TET1: variants seen among roughly 807,000 people sequenced by gnomAD.
TET1 encodes the protein methylcytosine dioxygenase TET1.
A neutral mutation model predicts 148.7 loss-of-function variants in TET1; 13 were observed. The ratio of observed to expected loss-of-function variants is 0.09; its 90% CI spans 0.06 to 0.14. The LOEUF (loss-of-function observed/expected upper bound fraction) is 0.14. Ranked by LOEUF, TET1 falls within the 10% of genes least tolerant of loss-of-function variation. The pLI is 1.00. For synonymous variants in TET1, 907 were observed against 937.2 expected (o/e 0.97, Z 0.59); for missense variants, 2,182 against 2,553.8 (o/e 0.85, Z 3.14).
chr10:68,640,002 A>G, intron 3 of TET1, among the ~76,000 whole-genome samples: 1 of 151,832 alleles, frequency 6.6e-6, no homozygotes, highest in Non-Finnish European at 1.5e-5. Flanking sequence ...ATCTCGGCTC[A>G]CTGCAACCTC....
In TET1 at chr10:68,646,740, G is replaced by A; in HGVS notation, c.4011G>A (p.Leu1337=). The A allele has an allele frequency of 3.7e-6, 6 of 1,614,138 alleles. No homozygotes were observed. Among genetic ancestry groups the A allele is most frequent in the Non-Finnish European group, 5.1e-6 (6 of 1,180,026 alleles). Residue 1337 remains leucine (L), a synonymous_variant, in exon 4 of 12, where the codon TTG becomes TTA. Coordinates refer to ENST00000373644, the MANE Select transcript of TET1 (RefSeq NM_030625.3). ...EQLMHQRLPT[L]PGISHETPLP... ...TCATGCATCAGAGACTGCCAACATT[G>A]CCTGGTATCTCTCATGAAACACCCT...
intron 3 of TET1, among the ~76,000 whole-genome samples, chr10:68,602,665 C>T (rs1436813179): frequency 2.6e-5 from 4 of 152,116 alleles, no homozygotes; most frequent in Non-Finnish European, 4.4e-5. Context: ...TTTGGAATCA[C>T]GGTAGTGGAC....
intron 6 of TET1, among the ~76,000 whole-genome samples, chr10:68,664,098 G>T (rs2055160536): frequency 6.6e-6 from 1 of 151,996 alleles, no homozygotes; most frequent in Non-Finnish European, 1.5e-5. Context: ...CTCCCAAAGT[G>T]CTAGGATAAC....
chr10:68,650,458 C>CA (rs1258168097), intron 4 of TET1, among the ~76,000 whole-genome samples: 2 of 151,952 alleles, frequency 1.3e-5, no homozygotes, highest in African/African-American at 4.8e-5. Context: ...GCCTGGCCAA[C>CA]ATGGTGAAGC....
At chr10:68,591,719 G>A (rs61357399) in intron 2 of TET1, among the ~76,000 whole-genome samples, 5,891 of 151,958 alleles carry the variant, frequency 0.039, 381 homozygotes, top group African/African-American at 0.14. Context: ...TGGCTAACAC[G>A]GTGAAACCCC....
chr10:68,586,641 GTT>G (rs34588085), intron 2 of TET1, among the ~76,000 whole-genome samples: 13 of 142,042 alleles, frequency 9.2e-5, no homozygotes, highest in East Asian at 2.1e-4. Context: ...CCTCACATCA[GTT>G]TTTTTTTTTT....
chr10:68,672,296 C>T (rs1168979316), intron 7 of TET1, among the ~76,000 whole-genome samples: 1 of 151,492 alleles, frequency 6.6e-6, no homozygotes, highest in African/African-American at 2.4e-5. Context: ...TGAGACCAGC[C>T]TGGCCAACCT....
chr10:68,572,756 T>G lies in TET1; in HGVS notation c.418T>G (p.Cys140Gly). The change falls in exon 2 of 12, where the codon TGT becomes GGT. Residue 140 changes from cysteine to glycine, a missense_variant. Physicochemically the swap from Cys to Gly is radical, Grantham distance 159 (BLOSUM62 -3). Transcript: ENST00000373644. ...TAAGGGTTTAGAAAAGCAACATGAT[T>G]GTGATTATAAGATACTCCCTGCTTT... ...LSKGLEKQHD[C>G]DYKILPALGV... The G allele has an allele frequency of 6.2e-7, 1 of 1,614,166 alleles. No individual in the cohort carries two copies.
At chr10:68,659,088 G>A (rs754471092) in intron 6 of TET1, among the ~76,000 whole-genome samples, 3 of 152,078 alleles carry the variant, frequency 2.0e-5, no homozygotes, top group Non-Finnish European at 2.9e-5. Flanking sequence ...TTAGCCGGGC[G>A]TGGTGGCATA....
At position 68,573,003 on chromosome 10, in the gene TET1, G is replaced by A. The variant is rs749194238; in HGVS notation, c.665G>A (p.Arg222His). 11 of 1,614,014 alleles carry A rather than the reference G, an allele frequency of 6.8e-6. No individual in the cohort carries two copies. In the East Asian group the frequency reaches 8.9e-5, roughly 13 times the overall value. The change falls in exon 2 of 12, where the codon CGC becomes CAC. Residue 222 changes from arginine (R) to histidine (H), a missense_variant. This residue lies in a region of TET1 where 665 missense variants were observed against 672.4 expected (regional missense o/e 0.99). Coordinates refer to ENST00000373644, the MANE Select transcript of TET1 (RefSeq NM_030625.3). ...EILPGPLEGT[R>H]CGEGLFSEET... Reference sequence around the variant, plus strand: ...CTTCCTGGGCCACTGGAAGGGACACGCTGTGGTGAAGGACTATTCTCTGAA... The same window carrying A: ...CTTCCTGGGCCACTGGAAGGGACACACTGTGGTGAAGGACTATTCTCTGAA...
At chr10:68,629,134 G>GT (rs1334286914) in intron 3 of TET1, among the ~76,000 whole-genome samples, 1 of 152,138 alleles carries the variant, frequency 6.6e-6, no homozygotes, top group Non-Finnish European at 1.5e-5. Flanking sequence ...GAAGCCTGAG[G>GT]TGGGGGGGTC....
intron 2 of TET1, among the ~76,000 whole-genome samples, chr10:68,578,108 A>G (rs143280000): frequency 2.0e-5 from 3 of 152,244 alleles, no homozygotes; most frequent in Non-Finnish European, 4.4e-5. Flanking sequence ...AAAAAATCTT[A>G]CTGAGCCTGT....
rs754283937 is a variant in TET1, at chr10:68,572,575, A to G, written c.237A>G (p.Ala79=). The part of the protein sequence containing the change: ...PVRSLLTRAG[A]ARMNLDRTEV... ...GAAGCCTTCTGACAAGAGCTGGAGCAGCACGCATGAATTTGGATAGGACTG... is the reference window on the plus strand; with the variant it reads ...GAAGCCTTCTGACAAGAGCTGGAGCGGCACGCATGAATTTGGATAGGACTG... Residue 79 remains alanine (A), a synonymous_variant, in exon 2 of 12, where the codon GCA becomes GCG. Transcript: ENST00000373644. The G allele has an allele frequency of 4.3e-6, 7 of 1,614,210 alleles. No homozygotes were observed. The highest frequency in any genetic ancestry group is 5.9e-6 in the Non-Finnish European group (7 of 1,180,038).
intron 3 of TET1, among the ~76,000 whole-genome samples, chr10:68,640,116 G>A (rs552155215): frequency 8.6e-5 from 13 of 151,766 alleles, no homozygotes; most frequent in Non-Finnish European, 1.8e-4. Flanking sequence ...TAGTAGAACC[G>A]GGGTTTCACC....
At chr10:68,597,029 G>GTTTTTTTTTTTTTTTT (rs1446597252) in intron 2 of TET1, among the ~76,000 whole-genome samples, 5 of 90,304 alleles carry the variant, frequency 5.5e-5, no homozygotes, top group African/African-American at 9.3e-5. Flanking sequence ...ACAGCTAATG[G>GTTTTTTTTTTTTTTTT]ATTTTTTTTT....
intron 3 of TET1, among the ~76,000 whole-genome samples, chr10:68,624,904 T>G (rs1436038818): frequency 6.6e-6 from 1 of 151,374 alleles, no homozygotes; most frequent in Non-Finnish European, 1.5e-5. Flanking sequence ...GCTAATTTTT[T>G]TTTGTATTTT....
intron 11 of TET1, among the ~76,000 whole-genome samples, chr10:68,687,176 T>C (rs905396995): frequency 3.1e-5 from 4 of 129,658 alleles, no homozygotes; most frequent in African/African-American, 1.1e-4. Flanking sequence ...GTGCTGGGAT[T>C]ACAGGTGTGA....
intron 3 of TET1, among the ~76,000 whole-genome samples, chr10:68,630,931 C>T (rs2054559394): frequency 6.6e-6 from 1 of 152,152 alleles, no homozygotes; most frequent in Non-Finnish European, 1.5e-5. Context: ...TATCCCAATA[C>T]TTTGGGAGGC....
chr10:68,683,888 C>T (rs868495169), intron 10 of TET1, among the ~76,000 whole-genome samples: 2 of 152,324 alleles, frequency 1.3e-5, no homozygotes, highest in Middle Eastern at 6.8e-3. Context: ...TAAATCATCA[C>T]ATGTCCATCG....
Sources: gnomAD v4.1 joint callset for allele counts (sites outside exome capture counted in the v4.1 genomes callset) on GRCh38, gnomAD v4.1.1 for gene constraint, gnomAD v4.1.1 regional missense constraint, MANE v1.5 for transcripts, NCBI Gene and HGNC (gene_info 2026-07-23, HGNC 2026-07-21) for gene names.